Variants in ZNF79 observed in about 807,000 individuals in gnomAD.
ZNF79 encodes zinc finger protein 79, also known as ZNFpT7.
In ZNF79, 13 loss-of-function variants were observed where a neutral mutation model predicts 14.9. The observed-to-expected ratio is 0.87, with a 90% CI of 0.57 to 1.38. The LOEUF is 1.38. ZNF79 is among the 40% of genes most tolerant of loss of function. ZNF79 has a pLI of 0.00. For missense variants in ZNF79, 631 were observed against 630.6 expected, an observed-to-expected ratio of 1.00 and a Z score of -0.01; for synonymous variants, 223 against 235.1, an observed-to-expected ratio of 0.95 and a Z score of 0.47.
chr9:127,440,565 T>G (rs1834031557), intron 4 of ZNF79, among the ~76,000 whole-genome samples: 1 of 152,096 alleles, frequency 6.6e-6, no homozygotes, highest in Non-Finnish European at 1.5e-5. Context: ...TTAAAGAGTT[T>G]TGATGCAGGG....
chr9:127,436,510 AG>A (rs1235609766), intron 4 of ZNF79, among the ~76,000 whole-genome samples: 1 of 152,146 alleles, frequency 6.6e-6, no homozygotes, highest in East Asian at 1.9e-4. Flanking sequence ...AATTTTCCAA[AG>A]GGCTGATACT....
At chr9:127,436,386 AGGATCC>A (rs1300943776) in intron 4 of ZNF79, among the ~76,000 whole-genome samples, 1 of 152,202 alleles carries the variant, frequency 6.6e-6, no homozygotes, top group Non-Finnish European at 1.5e-5. Context: ...TCCCTCACTG[AGGATCC>A]TAGGTGCCAC....
chr9:127,430,150 G>A (rs754506328), intron 2 of ZNF79, among the ~76,000 whole-genome samples: 30 of 152,090 alleles, frequency 2.0e-4, no homozygotes, highest in Middle Eastern at 3.4e-3. Flanking sequence ...TCCCAAAGTG[G>A]GTGTATTCTG....
At chr9:127,438,890 C>T (rs1833996654) in intron 4 of ZNF79, among the ~76,000 whole-genome samples, 1 of 152,164 alleles carries the variant, frequency 6.6e-6, no homozygotes, top group Non-Finnish European at 1.5e-5. Flanking sequence ...TTGGGCAGAT[C>T]ACCCGAGGTC....
At chr9:127,428,531 T>A (rs7033779) in intron 1 of ZNF79, 214,944 of 368,414 alleles carry the variant, frequency 0.58, 63,486 homozygotes, top group African/African-American at 0.63. Flanking sequence ...CTTACAAGGG[T>A]TTATCATCCC....
chr9:127,444,129 G>C lies in ZNF79; in HGVS notation c.429G>C (p.Gly143=). Residue 143 remains glycine (G), a synonymous_variant, in exon 5 of 5, where the codon GGG becomes GGC. Transcript: ENST00000342483. ...VEMPPGDSDH[G]TSDLEKSFNL... ...TGCCCCCTGGGGATTCAGACCACGG[G>C]ACCAGTGACCTTGAGAAGAGCTTCA... 1 of 1,613,300 alleles carries C rather than the reference G, an allele frequency of 6.2e-7. No homozygotes were observed. Among genetic ancestry groups the C allele is most frequent in the Non-Finnish European group, 8.5e-7 (1 of 1,179,986 alleles).
chr9:127,433,569 C>A (rs553754849), intron 2 of ZNF79, among the ~76,000 whole-genome samples: 1 of 152,208 alleles, frequency 6.6e-6, no homozygotes, highest in Admixed American at 6.5e-5. Flanking sequence ...GGATGCATTA[C>A]ACAGAGTAGG....
At chr9:127,443,671 G>C (rs1042538928) in intron 4 of ZNF79, among the ~76,000 whole-genome samples, 20 of 152,238 alleles carry the variant, frequency 1.3e-4, no homozygotes, top group African/African-American at 4.8e-4. Flanking sequence ...GGAGGCCGAG[G>C]CGGGTGGATC....
Position 127,445,128 on chromosome 9 carries a change from C to T in ZNF79, c.1428C>T (p.Ser476=), listed in dbSNP as rs1389400710. 11 of 1,614,066 alleles carry T rather than the reference C, an allele frequency of 6.8e-6. No homozygotes were observed. Among genetic ancestry groups the T allele is most frequent in the East Asian group, 4.5e-5 (2 of 44,904 alleles). ...IHTGVKPYEC[S]ECGKAFRCSS... ...CAGGCGTGAAACCCTACGAATGCAG[C>T]GAGTGTGGGAAGGCCTTCCGGTGCA... Residue 476 remains serine, a synonymous_variant, in exon 5 of 5, where the codon AGC becomes AGT. Transcript: ENST00000342483.
intron 4 of ZNF79, among the ~76,000 whole-genome samples, chr9:127,442,497 T>A (rs2265686): frequency 1.3e-5 from 2 of 151,866 alleles, no homozygotes; most frequent in South Asian, 2.1e-4. Context: ...TGAGTGGAGC[T>A]TGCAGGACTC....
At chr9:127,435,619 G>A (rs926770783) in intron 3 of ZNF79, among the ~76,000 whole-genome samples, 3 of 152,182 alleles carry the variant, frequency 2.0e-5, no homozygotes, top group Admixed American at 2.0e-4. Context: ...GCTCACACCT[G>A]TAATCCCAGC....
intron 1 of ZNF79, 102 bp from the exon 2 acceptor site, chr9:127,428,730 C>A: frequency 7.8e-7 from 1 of 1,290,266 alleles, no homozygotes; most frequent in Non-Finnish European, 1.0e-6. Flanking sequence ...TCTGCAGATT[C>A]AGCCCACGTG....
chr9:127,439,564 T>C (rs928357278), intron 4 of ZNF79, among the ~76,000 whole-genome samples: 2 of 152,164 alleles, frequency 1.3e-5, no homozygotes, highest in Non-Finnish European at 2.9e-5. Flanking sequence ...CCCTGGGTTA[T>C]TCTACCCTAC....
chr9:127,437,829 G>A (rs560181124), intron 4 of ZNF79, among the ~76,000 whole-genome samples: 73 of 151,954 alleles, frequency 4.8e-4, no homozygotes, highest in African/African-American at 1.7e-3. Flanking sequence ...ATCCAGTGTG[G>A]CCTCATTTTA....
chr9:127,445,317 G>A lies in ZNF79; in HGVS notation c.*120G>A. 2 of 1,081,102 alleles carry A rather than the reference G, an allele frequency of 1.8e-6. No individual in the cohort carries two copies. Among genetic ancestry groups the A allele is most frequent in the Non-Finnish European group, 2.6e-6 (2 of 758,116 alleles). 67.0% of individuals were successfully genotyped at this position (1,081,102 alleles called of 1,614,324 possible). A position where few individuals can be genotyped will look rare whatever the true frequency, so the allele number is the denominator to read the frequency against. ...GAAGACATCTAACTTAGAGTCTGCA[G>A]CCCAGAGCCACATGCAAAACACCTT... On this transcript the variant is annotated 3_prime_UTR_variant, in exon 5 of 5. Coordinates refer to ENST00000342483, the MANE Select transcript of ZNF79 (RefSeq NM_007135.3).
chr9:127,426,177 T>C (rs1833749344), intron 1 of ZNF79, among the ~76,000 whole-genome samples: 1 of 152,206 alleles, frequency 6.6e-6, no homozygotes, highest in Non-Finnish European at 1.5e-5. Flanking sequence ...TGGTTTTTAG[T>C]ATTTTCACAA....
chr9:127,429,718 G>A (rs955940839), intron 2 of ZNF79, among the ~76,000 whole-genome samples: 5 of 151,804 alleles, frequency 3.3e-5, no homozygotes, highest in African/African-American at 1.2e-4. Context: ...CTGGAAAATA[G>A]AGAAAACACA....
intron 4 of ZNF79, among the ~76,000 whole-genome samples, chr9:127,437,634 C>A (rs1833973836): frequency 6.6e-6 from 1 of 151,260 alleles, no homozygotes; most frequent in South Asian, 2.1e-4. Flanking sequence ...TGTCAGCAGG[C>A]CTGGGCTCCC....
In ZNF79 at chr9:127,444,144, G is replaced by A; in HGVS notation, c.444G>A (p.Glu148=). 1 of 1,613,748 alleles carries A rather than the reference G, an allele frequency of 6.2e-7. No individual in the cohort carries two copies. Among genetic ancestry groups the A allele is most frequent in the Non-Finnish European group, 8.5e-7 (1 of 1,180,040 alleles). ...CAGACCACGGGACCAGTGACCTTGA[G>A]AAGAGCTTCAATCTGAGACCAGTCC... is the stretch of plus-strand genomic sequence containing the variant. ...GDSDHGTSDL[E]KSFNLRPVLS... Residue 148 remains glutamate, a synonymous_variant, in exon 5 of 5, where the codon GAG becomes GAA. Transcript: ENST00000342483.
Sources: gnomAD v4.1 joint callset for allele counts (sites outside exome capture counted in the v4.1 genomes callset) on GRCh38, gnomAD v4.1.1 for gene constraint, MANE v1.5 for transcripts, NCBI Gene and HGNC (gene_info 2026-07-23, HGNC 2026-07-21) for gene names.